Variants in DYNC2H1 observed in about 807,000 individuals in gnomAD.
DYNC2H1 encodes dynein cytoplasmic 2 heavy chain 1.
Under a neutral mutation model 570.0 loss-of-function variants are expected in DYNC2H1, and 410 were observed. The observed-to-expected ratio is 0.72, with a 90% CI of 0.66 to 0.78. DYNC2H1 has a LOEUF of 0.78. Among genes scored for constraint, DYNC2H1 ranks in the 30% least tolerant of loss-of-function variants. The pLI is 0.00. For synonymous variants in DYNC2H1, 1,688 were observed against 1,677.6 expected (o/e 1.01, Z -0.15); for missense variants, 4,865 against 5,046.4 (o/e 0.96, Z 1.09).
At chr11:103,361,622 A>G (rs1413151111) in intron 83 of DYNC2H1, among the ~76,000 whole-genome samples, 5 of 152,184 alleles carry the variant, frequency 3.3e-5, no homozygotes, top group African/African-American at 1.2e-4. Flanking sequence ...GAAAGTAAGG[A>G]GAGCATTCAG....
chr11:103,194,777 G>A (rs1226990111), intron 47 of DYNC2H1, among the ~76,000 whole-genome samples: 1 of 152,066 alleles, frequency 6.6e-6, no homozygotes, highest in Non-Finnish European at 1.5e-5. Flanking sequence ...GAGTGCAGTG[G>A]TGTAATCTCT....
intron 84 of DYNC2H1, among the ~76,000 whole-genome samples, chr11:103,430,573 G>T (rs919896769): frequency 1.3e-5 from 2 of 151,768 alleles, no homozygotes. Flanking sequence ...CCAAATTGTT[G>T]TGTCACTTCC....
intron 10 of DYNC2H1, among the ~76,000 whole-genome samples, chr11:103,122,222 T>A (rs1174943776): frequency 6.6e-6 from 1 of 152,208 alleles, no homozygotes; most frequent in African/African-American, 2.4e-5. Context: ...GATTATAGTC[T>A]GTGAGTAAGA....
rs558414618 is a variant in DYNC2H1, at chr11:103,139,129, G to A, written c.2574+3181G>A. On this transcript the variant is annotated intron_variant, in intron 17 of 88. Coordinates refer to ENST00000375735, the MANE Select transcript of DYNC2H1 (RefSeq NM_001377.3). ...TTTTTTCTTTATTAGTCTTGCTAGCGGTCTATCAATTTTGTTGATCCTTTC... is the reference window on the plus strand; with the variant it reads ...TTTTTTCTTTATTAGTCTTGCTAGCAGTCTATCAATTTTGTTGATCCTTTC... Among the ~76,000 whole-genome samples the A allele has an allele frequency of 5.9e-4, 90 of 151,682 alleles. 2 individuals are homozygous for A. The East Asian group carries it at 0.012, about 20-fold the overall frequency.
intron 17 of DYNC2H1, 128 bp from the exon 18 acceptor site, chr11:103,143,140 T>C (rs565769339): frequency 3.2e-4 from 285 of 897,500 alleles, no homozygotes; most frequent in Non-Finnish European, 4.5e-4. Flanking sequence ...ATTATATTAC[T>C]TAAATTGACA....
Position 103,177,465 on chromosome 11 carries a change from T to C in DYNC2H1, c.5875-91T>C. 7.5e-7 allele frequency: 1 copy of C among 1,325,570 alleles called. No individual in the cohort carries two copies. Among genetic ancestry groups the C allele is most frequent in the South Asian group, 1.6e-5 (1 of 64,376 alleles). The allele number at this position is 1,325,570 out of a possible 1,614,324, so 82.1% of individuals were successfully genotyped here. ...CACTGAAGAAATCAAAGGCTTAATTTACACATTAGAACAAGTGTTACAGAA... is the reference window on the plus strand; with the variant it reads ...CACTGAAGAAATCAAAGGCTTAATTCACACATTAGAACAAGTGTTACAGAA... On this transcript the variant is annotated intron_variant, in intron 37 of 88. Coordinates refer to ENST00000375735, the MANE Select transcript of DYNC2H1 (RefSeq NM_001377.3). This position sits in a 1 kb window ranked among gnomAD's most constrained non-coding sequence, Gnocchi z 4.4.
chr11:103,138,413 T>C (rs528434585), intron 17 of DYNC2H1, among the ~76,000 whole-genome samples: 1 of 152,252 alleles, frequency 6.6e-6, no homozygotes, highest in Admixed American at 6.5e-5. Flanking sequence ...TCAAGAGTTT[T>C]TAGCATGAAG....
chr11:103,355,279 T>C (rs900338504), intron 82 of DYNC2H1, among the ~76,000 whole-genome samples: 6 of 152,126 alleles, frequency 3.9e-5, no homozygotes, highest in African/African-American at 9.7e-5. Flanking sequence ...TTCTTTGACA[T>C]CTATAAAATG....
In DYNC2H1 at chr11:103,386,900, T is replaced by C. The variant is rs200224093; in HGVS notation, c.12157-12763T>C. Among the ~76,000 whole-genome samples the C allele has an allele frequency of 4.2e-5, 3 of 71,658 alleles. No homozygotes were observed. In the South Asian group the frequency reaches 1.2e-3, roughly 28 times the overall value. 47.0% of individuals were successfully genotyped at this position (71,658 alleles called of 152,430 possible). On this transcript the variant is annotated intron_variant, in intron 83 of 88. Transcript: ENST00000375735. Reference sequence around the variant, plus strand: ...CACATTTTCTTAATCCAGTCTATCGTTGTTGGACATTTGGGTTGGTTCCAA... The same window carrying C: ...CACATTTTCTTAATCCAGTCTATCGCTGTTGGACATTTGGGTTGGTTCCAA...
Position 103,316,579 on chromosome 11 carries a change from A to C in DYNC2H1, c.11684A>C (p.Asp3895Ala). 6.4e-7 allele frequency: 1 copy of C among 1,561,676 alleles called. No individual in the cohort carries two copies. The highest frequency in any genetic ancestry group is 8.7e-7 in the Non-Finnish European group (1 of 1,154,606). Residue 3895 changes from aspartate to alanine, a missense_variant, in exon 80 of 89, where the codon GAT (aspartate) becomes GCT (alanine). This residue lies in a region of DYNC2H1 where 2,401 missense variants were observed against 2,454.6 expected (regional missense o/e 0.98). Transcript: ENST00000375735. ...WTKFYEFSLS[D>A]LRAGYNIIDR... ...AAGTTTTATGAATTTTCTTTATCAG[A>C]TCTTCGGGCTGGGTACAACATTATT...
At chr11:103,301,649 G>A (rs1855045680) in intron 75 of DYNC2H1, among the ~76,000 whole-genome samples, 1 of 151,806 alleles carries the variant, frequency 6.6e-6, no homozygotes, top group African/African-American at 2.4e-5. Flanking sequence ...CCTGTTATTA[G>A]GAATATTTCT....
In DYNC2H1 at chr11:103,228,030, A is replaced by G. The variant is rs1354456524; in HGVS notation, c.9354-3230A>G. On this transcript the variant is annotated intron_variant, in intron 59 of 88. Transcript: ENST00000375735. This position sits in a 1 kb window ranked among gnomAD's most constrained non-coding sequence, Gnocchi z 6.1. ...TTGCTTACTTTTGGTGTCCATTTGCATGGAATATGTTTTTCCACCCCTTTA... is the reference window on the plus strand; with the variant it reads ...TTGCTTACTTTTGGTGTCCATTTGCGTGGAATATGTTTTTCCACCCCTTTA... Among the ~76,000 whole-genome samples, 2 of 152,148 alleles carry G rather than the reference A, an allele frequency of 1.3e-5. No homozygotes were observed. The highest frequency in any genetic ancestry group is 1.5e-5 in the Non-Finnish European group (1 of 68,020).
chr11:103,415,154 C>T, intron 84 of DYNC2H1, among the ~76,000 whole-genome samples: 1 of 152,108 alleles, frequency 6.6e-6, no homozygotes, highest in Non-Finnish European at 1.5e-5. Context: ...ACACCTTATA[C>T]AAAAATTAAT....
At chr11:103,336,849 C>T (rs879770267) in intron 82 of DYNC2H1, among the ~76,000 whole-genome samples, 2 of 152,072 alleles carry the variant, frequency 1.3e-5, no homozygotes, top group African/African-American at 2.4e-5. Flanking sequence ...TGGTAATAAA[C>T]ACAGGAGTGC....
At chr11:103,179,283 T>G in intron 39 of DYNC2H1, 50 bp downstream of exon 39, 2 of 1,541,274 alleles carry the variant, frequency 1.3e-6, no homozygotes, top group Non-Finnish European at 1.8e-6. Context: ...TCTTTTACTG[T>G]CCTGGTTTCA....
chr11:103,158,287 A>G (rs61898617), intron 26 of DYNC2H1, among the ~76,000 whole-genome samples: 13,439 of 152,082 alleles, frequency 0.088, 780 homozygotes, highest in Non-Finnish European at 0.12. Context: ...CTCTACTAAA[A>G]TATACAAAAA....
Position 103,156,762 on chromosome 11 carries a change from A to G in DYNC2H1, c.4119A>G (p.Glu1373=). ...AGACACGCTTCAACAGAGTTGATGA[A>G]GATTTTAGGTCAGTACAATGATGTA... The part of the protein sequence containing the change: ...KEQTRFNRVD[E]DFRSIMTDIK... Residue 1373 remains glutamate (E), a synonymous_variant, in exon 26 of 89, where the codon GAA becomes GAG. Transcript: ENST00000375735. The G allele has an allele frequency of 6.2e-7, 1 of 1,607,698 alleles. No individual in the cohort carries two copies. The highest frequency in any genetic ancestry group is 1.3e-5 in the African/African-American group (1 of 74,468).
chr11:103,136,000 A>T (rs970510829), intron 17 of DYNC2H1, 52 bp downstream of exon 17: 171 of 1,405,978 alleles, frequency 1.2e-4, no homozygotes, highest in Non-Finnish European at 1.5e-4. Context: ...TTTCTGATTG[A>T]TTGAATTTAC....
At chr11:103,447,380 A>C (rs2408677) in intron 85 of DYNC2H1, among the ~76,000 whole-genome samples, 53,720 of 151,550 alleles carry the variant, frequency 0.35, 10,029 homozygotes, top group African/African-American at 0.48. Flanking sequence ...AAACAAGGTA[A>C]AAAATCAACC....
Sources: gnomAD v4.1 joint callset for allele counts (sites outside exome capture counted in the v4.1 genomes callset) on GRCh38, gnomAD v4.1.1 for gene constraint, gnomAD v4.1.1 regional missense constraint, Gnocchi (gnomAD v3.1) non-coding constraint, MANE v1.5 for transcripts, NCBI Gene and HGNC (gene_info 2026-07-23, HGNC 2026-07-21) for gene names.